POC1A: variants seen among roughly 807,000 people sequenced by gnomAD.
The protein encoded by POC1A is POC1 centriolar protein A.
POC1A carries 34 observed loss-of-function variants against 47.8 expected under a neutral mutation model. The ratio of observed to expected loss-of-function variants is 0.71; its 90% CI spans 0.54 to 0.95. The LOEUF (loss-of-function observed/expected upper bound fraction) is 0.95, where lower values mean the gene tolerates loss of function less well. Ranked by LOEUF, POC1A falls within the 40% of genes least tolerant of loss-of-function variation. The probability of loss-of-function intolerance (pLI) is 0.00; values close to 1 mark genes in which losing one functional copy is unlikely to be tolerated. For synonymous variants in POC1A, 177 were observed against 207.6 expected, an observed-to-expected ratio of 0.85 and a Z score of 1.27; for missense variants, 466 against 528.3, an observed-to-expected ratio of 0.88 and a Z score of 1.16.
At chr3:52,132,121 C>G (rs1449259683) in intron 7 of POC1A, among the ~76,000 whole-genome samples, 1 of 152,164 alleles carries the variant, frequency 6.6e-6, no homozygotes, top group Non-Finnish European at 1.5e-5. Flanking sequence ...AATTTAGACA[C>G]ATCCTCTCCT....
intron 9 of POC1A, among the ~76,000 whole-genome samples, chr3:52,119,171 G>A (rs1025729493): frequency 2.6e-5 from 4 of 151,958 alleles, no homozygotes; most frequent in African/African-American, 9.7e-5. Flanking sequence ...CACACTCAAG[G>A]CTGCTGGAAT....
intron 9 of POC1A, among the ~76,000 whole-genome samples, chr3:52,111,903 G>C (rs1265211125): frequency 1.3e-5 from 2 of 152,152 alleles, no homozygotes; most frequent in African/African-American, 4.8e-5. Context: ...GAGACAGGTG[G>C]CCTGGAGAAC....
At position 52,079,225 on chromosome 3, in the gene POC1A, T is replaced by C. The variant is rs1702210628; in HGVS notation, c.1126-3240A>G. ...CATACCCATACGAGGGTTCAGAAAATACATGCTACCTCGGTGTACACAGGC... is the reference window on the plus strand; with the variant it reads ...CATACCCATACGAGGGTTCAGAAAACACATGCTACCTCGGTGTACACAGGC... On this transcript the variant is annotated intron_variant, in intron 10 of 10. Transcript: ENST00000296484. The surrounding 1 kb of genome is among the most constrained non-coding windows in gnomAD (Gnocchi z 4.6). Among the ~76,000 whole-genome samples, 1 of 152,170 alleles carries C rather than the reference T, an allele frequency of 6.6e-6. No individual in the cohort carries two copies. Among genetic ancestry groups the C allele is most frequent in the Non-Finnish European group, 1.5e-5 (1 of 68,026 alleles).
At chr3:52,123,071 A>G (rs1703853328) in intron 8 of POC1A, among the ~76,000 whole-genome samples, 1 of 152,208 alleles carries the variant, frequency 6.6e-6, no homozygotes, top group Non-Finnish European at 1.5e-5. Context: ...CAGTTCCTGC[A>G]TCTGCGAGAC....
chr3:52,088,785 C>T (rs1702546704), intron 10 of POC1A, among the ~76,000 whole-genome samples: 1 of 151,772 alleles, frequency 6.6e-6, no homozygotes, highest in African/African-American at 2.4e-5. Context: ...AGATTCAGCC[C>T]GAATGAGATG....
chr3:52,136,569 C>T (rs1252298091), intron 7 of POC1A, among the ~76,000 whole-genome samples: 2 of 152,174 alleles, frequency 1.3e-5, no homozygotes, highest in African/African-American at 2.4e-5. Flanking sequence ...GTCGTTGGTT[C>T]GTTTCTCTTC....
chr3:52,138,157 G>A lies in POC1A; in HGVS notation c.813+12C>T, dbSNP rs771777720. On this transcript the variant is annotated intron_variant, in intron 7 of 10. Transcript: ENST00000296484. ...ACTCCACACCACTCAGCACCTGGCC[G>A]ACACCTCTCACCTGATGCCCGTGGA... is the stretch of plus-strand genomic sequence containing the variant. 27 of 1,613,844 alleles carry A rather than the reference G, an allele frequency of 1.7e-5. No homozygotes were observed. Among genetic ancestry groups the A allele is most frequent in the Middle Eastern group, 1.6e-4 (1 of 6,084 alleles).
At chr3:52,123,148 C>G (rs117381879) in intron 8 of POC1A, among the ~76,000 whole-genome samples, 1 of 152,346 alleles carries the variant, frequency 6.6e-6, no homozygotes, top group East Asian at 1.9e-4. Flanking sequence ...CTGGTGGACA[C>G]GGGCACACAG....
chr3:52,097,571 C>A (rs1365401323), intron 9 of POC1A, among the ~76,000 whole-genome samples: 1 of 152,232 alleles, frequency 6.6e-6, no homozygotes, highest in African/African-American at 2.4e-5. Context: ...TTAGAGCCTG[C>A]AGTTCCTCTG....
rs1702603148 is a variant in POC1A at position 52,090,347 on chromosome 3, T to G, written c.1125+6222A>C. Among the ~76,000 whole-genome samples the G allele has an allele frequency of 6.6e-6, 1 of 152,224 alleles. No individual in the cohort carries two copies. The highest frequency in any genetic ancestry group is 1.5e-5 in the Non-Finnish European group (1 of 68,028). ...CGTGAAACTGGAGTCAAAAATAACT[T>G]TGCTGTGGGCTTCTGAGGCAAAACC... On this transcript the variant is annotated intron_variant, in intron 10 of 10. Transcript: ENST00000296484. The surrounding 1 kb of genome is among the most constrained non-coding windows in gnomAD (Gnocchi z 4.2).
chr3:52,124,905 G>A (rs745325816), intron 8 of POC1A, among the ~76,000 whole-genome samples: 6 of 152,170 alleles, frequency 3.9e-5, no homozygotes, highest in Non-Finnish European at 8.8e-5. Flanking sequence ...CCATGAGGTC[G>A]GCACCTGCAG....
intron 10 of POC1A, among the ~76,000 whole-genome samples, chr3:52,094,175 T>G (rs1426552306): frequency 6.6e-6 from 1 of 152,342 alleles, no homozygotes; most frequent in Non-Finnish European, 1.5e-5. Flanking sequence ...TTGGGGTGGC[T>G]GGGCATCCTA....
chr3:52,083,221 C>T lies in POC1A; in HGVS notation c.1126-7236G>A, dbSNP rs182456204. The stretch of plus-strand genomic sequence containing the variant: ...AGAGGCATGGGCGGTGTGACACTCC[C>T]ACTGGCTCTGCAGAGGTACAGGAAG... On this transcript the variant is annotated intron_variant, in intron 10 of 10. Coordinates refer to ENST00000296484, the MANE Select transcript of POC1A (RefSeq NM_015426.5). Among the ~76,000 whole-genome samples, 460 of 152,270 alleles carry T rather than the reference C, an allele frequency of 3.0e-3. 4 individuals carry two copies. Among genetic ancestry groups the T allele is most frequent in the African/African-American group, 8.9e-3 (369 of 41,548 alleles).
intron 9 of POC1A, among the ~76,000 whole-genome samples, chr3:52,100,276 T>C (rs1702952893): frequency 6.6e-6 from 1 of 152,034 alleles, no homozygotes; most frequent in Non-Finnish European, 1.5e-5. Flanking sequence ...AGATCTTCCT[T>C]GTGACAAGAA....
intron 9 of POC1A, among the ~76,000 whole-genome samples, chr3:52,105,981 T>A (rs1005970982): frequency 6.6e-6 from 1 of 151,444 alleles, no homozygotes; most frequent in African/African-American, 2.4e-5. Context: ...GATCACGAGG[T>A]CAGGAGATCG....
chr3:52,077,397 G>A (rs112594230), intron 10 of POC1A, among the ~76,000 whole-genome samples: 2,251 of 152,356 alleles, frequency 0.015, 54 homozygotes, highest in African/African-American at 0.048. Flanking sequence ...TTCTTGCAGC[G>A]TCCGGCACAG....
At chr3:52,143,042 T>C (rs1698250167) in intron 6 of POC1A, among the ~76,000 whole-genome samples, 3 of 152,066 alleles carry the variant, frequency 2.0e-5, no homozygotes, top group African/African-American at 7.2e-5. Flanking sequence ...CACCCACCAC[T>C]GGCCACGGCA....
At chr3:52,076,387 T>A (rs1161340136) in intron 10 of POC1A, among the ~76,000 whole-genome samples, 3 of 152,170 alleles carry the variant, frequency 2.0e-5, no homozygotes, top group African/African-American at 7.2e-5. Flanking sequence ...CATAAACAAC[T>A]GGAGACCATC....
At chr3:52,133,195 C>T (rs1704300554) in intron 7 of POC1A, among the ~76,000 whole-genome samples, 1 of 152,166 alleles carries the variant, frequency 6.6e-6, no homozygotes, top group Non-Finnish European at 1.5e-5. Context: ...GAGTTTGGTC[C>T]TTTCCGCCCT....
Sources: gnomAD v4.1 joint callset for allele counts (sites outside exome capture counted in the v4.1 genomes callset) on GRCh38, gnomAD v4.1.1 for gene constraint, Gnocchi (gnomAD v3.1) non-coding constraint, MANE v1.5 for transcripts, NCBI Gene and HGNC (gene_info 2026-07-23, HGNC 2026-07-21) for gene names.